CEP350: variants seen among roughly 807,000 people sequenced by gnomAD.
CEP350 encodes centrosomal protein 350, also known as centrosome-associated protein 350.
A neutral mutation model predicts 331.8 loss-of-function variants in CEP350; 126 were observed. The ratio of observed to expected loss-of-function variants is 0.38; its 90% CI spans 0.33 to 0.44. The LOEUF is 0.44. Among genes scored for constraint, CEP350 ranks in the 20% least tolerant of loss-of-function variants. CEP350 has a pLI of 1.00. For synonymous variants in CEP350, 1,200 were observed against 1,259.5 expected, an observed-to-expected ratio of 0.95 and a Z score of 1.00; for missense variants, 3,406 against 3,634.6, an observed-to-expected ratio of 0.94 and a Z score of 1.62.
At chr1:180,023,288 A>G (rs1225322185) in intron 13 of CEP350, among the ~76,000 whole-genome samples, 1 of 152,176 alleles carries the variant, frequency 6.6e-6, no homozygotes, top group African/African-American at 2.4e-5. Flanking sequence ...GAAAGAAAAA[A>G]AAATCACTTA....
intron 14 of CEP350, among the ~76,000 whole-genome samples, chr1:180,029,529 TA>T (rs1404593855): frequency 6.6e-6 from 1 of 152,210 alleles, no homozygotes; most frequent in Non-Finnish European, 1.5e-5. Flanking sequence ...TAAGCACGTT[TA>T]TACTGTTGTA....
At chr1:180,110,573 A>G (rs1661415794) in intron 37 of CEP350, among the ~76,000 whole-genome samples, 3 of 152,196 alleles carry the variant, frequency 2.0e-5, no homozygotes, top group African/African-American at 7.2e-5. Flanking sequence ...TTTTTGACTT[A>G]ATGATATTTT....
rs2149214999 is a variant in CEP350, at chr1:180,113,663, G to A, written c.*2502G>A. The A allele has an allele frequency of 1.3e-5, 2 of 152,256 alleles. No individual in the cohort carries two copies. The highest frequency in any genetic ancestry group is 3.9e-4 in the East Asian group (2 of 5,184). 9.4% of individuals were successfully genotyped at this position (152,256 alleles called of 1,614,324 possible). A position where few individuals can be genotyped will look rare whatever the true frequency, so the allele number is the denominator to read the frequency against. On this transcript the variant is annotated 3_prime_UTR_variant, in exon 38 of 38. Coordinates refer to ENST00000367607, the MANE Select transcript of CEP350 (RefSeq NM_014810.5). Reference sequence around the variant, plus strand: ...TTTATTCTTAGGATTAAGAAAGATAGATGTGGATACCCAGCCACTCGTTCC... The same window carrying A: ...TTTATTCTTAGGATTAAGAAAGATAAATGTGGATACCCAGCCACTCGTTCC...
intron 31 of CEP350, among the ~76,000 whole-genome samples, chr1:180,085,277 C>T (rs575172860): frequency 4.3e-4 from 66 of 152,262 alleles, no homozygotes; most frequent in Middle Eastern, 6.8e-3. Flanking sequence ...CTTTCTGAGT[C>T]TGTCCCAGGC....
At chr1:180,063,433 T>A (rs1418293522) in intron 26 of CEP350, among the ~76,000 whole-genome samples, 1 of 151,468 alleles carries the variant, frequency 6.6e-6, no homozygotes, top group Non-Finnish European at 1.5e-5. Flanking sequence ...GCTCAAGCAA[T>A]CCATCTGCCT....
chr1:180,058,664 A>C (rs909573079), intron 25 of CEP350, among the ~76,000 whole-genome samples: 1 of 152,220 alleles, frequency 6.6e-6, no homozygotes, highest in African/African-American at 2.4e-5. Flanking sequence ...AAATATGTTT[A>C]ATGCCAGTCG....
chr1:179,969,082 A>G, intron 1 of CEP350: 1 of 700,520 alleles, frequency 1.4e-6, no homozygotes, highest in Non-Finnish European at 2.7e-6. Flanking sequence ...TGTGTAACAC[A>G]GAGTCTCCTT....
intron 37 of CEP350, among the ~76,000 whole-genome samples, chr1:180,105,879 AC>A (rs1661114244): frequency 6.6e-6 from 1 of 152,200 alleles, no homozygotes; most frequent in South Asian, 2.1e-4. Flanking sequence ...AATCAATCTA[AC>A]TATATTTGTG....
intron 5 of CEP350, among the ~76,000 whole-genome samples, chr1:179,993,199 A>G (rs1653218982): frequency 6.6e-6 from 1 of 152,026 alleles, no homozygotes; most frequent in Non-Finnish European, 1.5e-5. Flanking sequence ...AAAATTATAG[A>G]AAGAAGGTCA....
At chr1:179,956,551 A>AT (rs1167445408) in intron 1 of CEP350, among the ~76,000 whole-genome samples, 2 of 152,114 alleles carry the variant, frequency 1.3e-5, no homozygotes, top group Non-Finnish European at 2.9e-5. Flanking sequence ...AAGTTTTTGG[A>AT]TTTTTTCCTT....
intron 37 of CEP350, among the ~76,000 whole-genome samples, chr1:180,105,132 C>A (rs1295342958): frequency 2.0e-5 from 3 of 151,744 alleles, no homozygotes; most frequent in Non-Finnish European, 2.9e-5. Context: ...TTAATAAACC[C>A]AGTGGTAAAT....
intron 37 of CEP350, among the ~76,000 whole-genome samples, chr1:180,103,219 T>C (rs1267165067): frequency 6.6e-6 from 1 of 152,210 alleles, no homozygotes; most frequent in Non-Finnish European, 1.5e-5. Context: ...TCTTGCCTGC[T>C]CCTTACTGTG....
chr1:179,966,554 C>G (rs1434155262), intron 1 of CEP350, among the ~76,000 whole-genome samples: 1 of 152,050 alleles, frequency 6.6e-6, no homozygotes, highest in African/African-American at 2.4e-5. Flanking sequence ...AATGATTTTT[C>G]CCTCCCTAAG....
chr1:179,989,845 T>C (rs2148681099), intron 3 of CEP350, among the ~76,000 whole-genome samples: 1 of 152,338 alleles, frequency 6.6e-6, no homozygotes, highest in African/African-American at 2.4e-5. Flanking sequence ...TTCCTCATTT[T>C]TGCGTGTAAA....
intron 31 of CEP350, 77 bp downstream of exon 31, chr1:180,084,255 A>G (rs1328171935): frequency 2.3e-5 from 30 of 1,294,390 alleles, no homozygotes; most frequent in Middle Eastern, 2.0e-4. Flanking sequence ...AATGTTGTTA[A>G]TAAAGTAATG....
At chr1:180,054,830 TTTAAATTATTG>T (rs1330817170) in intron 25 of CEP350, among the ~76,000 whole-genome samples, 3 of 152,168 alleles carry the variant, frequency 2.0e-5, no homozygotes, top group Non-Finnish European at 4.4e-5. Flanking sequence ...TGGATTAAAT[TTTAAATTATTG>T]TTTCCCTAGA....
At chr1:180,034,982 A>G (rs1283465763) in intron 16 of CEP350, among the ~76,000 whole-genome samples, 1 of 152,212 alleles carries the variant, frequency 6.6e-6, no homozygotes, top group African/African-American at 2.4e-5. Context: ...CTCTTGTGCC[A>G]GTTAGCCAAG....
chr1:179,991,993 G>T, intron 4 of CEP350, 69 bp from the exon 5 acceptor site: 1 of 1,403,422 alleles, frequency 7.1e-7, no homozygotes, highest in Non-Finnish European at 9.3e-7. Context: ...TTTTTTTTAA[G>T]ATACCAGCCT....
chr1:180,100,364 C>T (rs75139567), intron 37 of CEP350, among the ~76,000 whole-genome samples: 12 of 152,324 alleles, frequency 7.9e-5, no homozygotes, highest in Non-Finnish European at 1.6e-4. Context: ...CTATTTCTAT[C>T]ATGTCTTAAA....
Sources: gnomAD v4.1 joint callset for allele counts (sites outside exome capture counted in the v4.1 genomes callset) on GRCh38, gnomAD v4.1.1 for gene constraint, MANE v1.5 for transcripts, NCBI Gene and HGNC (gene_info 2026-07-23, HGNC 2026-07-21) for gene names.